The following MYH15 variants were observed in gnomAD, a reference collection of about 807,000 sequenced individuals.
MYH15 encodes the protein myosin heavy chain 15, also known as myosin-15.
Under a neutral mutation model 240.5 loss-of-function variants are expected in MYH15, and 227 were observed. The observed-to-expected ratio is 0.94, with a 90% confidence interval of 0.85 to 1.05. MYH15 has a LOEUF of 1.05. Ranked by LOEUF, MYH15 falls within the 50% of genes least tolerant of loss-of-function variation. The pLI, the probability that MYH15 is intolerant of heterozygous loss-of-function variation, is 0.00. For synonymous variants in MYH15, 785 were observed against 796.7 expected (o/e 0.99, Z 0.25); for missense variants, 2,217 against 2,247.5 (o/e 0.99, Z 0.27).
intron 18 of MYH15, among the ~76,000 whole-genome samples, chr3:108,458,865 A>G (rs1017893515): frequency 1.3e-5 from 2 of 152,146 alleles, no homozygotes; most frequent in Non-Finnish European, 2.9e-5. Context: ...AATGAATGCT[A>G]TTAGAAAGAG....
chr3:108,450,367 T>TA (rs1172542077), intron 21 of MYH15, among the ~76,000 whole-genome samples: 1 of 152,090 alleles, frequency 6.6e-6, no homozygotes, highest in Non-Finnish European at 1.5e-5. Flanking sequence ...TATTCAACCT[T>TA]AAAAAAGAAA....
Position 108,454,060 on chromosome 3 carries a change from G to A in MYH15, c.2345C>T (p.Ala782Val). The change falls in exon 21 of 41, where the codon GCC (alanine) becomes GTC (valine). Residue 782 changes from alanine (A) to valine (V), a missense_variant. Coordinates refer to ENST00000693548, the MANE Select transcript of MYH15 (RefSeq NM_014981.3). ...RLSKVFTLFQ[A>V]RAQGKLMRIK... The stretch of plus-strand genomic sequence containing the variant: ...TCGCATCAGTTTGCCCTGTGCTCTG[G>A]CTTGGAACAATGTGAAGACTTTAGA... The A allele has an allele frequency of 6.2e-7, 1 of 1,613,032 alleles. No individual in the cohort carries two copies. The highest frequency in any genetic ancestry group is 8.5e-7 in the Non-Finnish European group (1 of 1,179,370).
In MYH15 at chr3:108,492,461, G is replaced by A. The variant is rs377023095; in HGVS notation, c.871+39C>T. The A allele has an allele frequency of 7.6e-6, 11 of 1,453,870 alleles. No homozygotes were observed. In the African/African-American group the frequency reaches 9.9e-5, roughly 13 times the overall value. The allele number at this position is 1,453,870 out of a possible 1,614,324, so 90.1% of individuals were successfully genotyped here. On this transcript the variant is annotated intron_variant, in intron 9 of 40. Coordinates refer to ENST00000693548, the MANE Select transcript of MYH15 (RefSeq NM_014981.3). ...CCCCCAAATATGACTTATTTTTCTTGTTTTGGAATAACCCTAAGCTCCAGA... is the reference window on the plus strand; with the variant it reads ...CCCCCAAATATGACTTATTTTTCTTATTTTGGAATAACCCTAAGCTCCAGA...
At chr3:108,416,265 T>G (rs2082632021) in intron 29 of MYH15, among the ~76,000 whole-genome samples, 1 of 152,194 alleles carries the variant, frequency 6.6e-6, no homozygotes, top group Admixed American at 6.5e-5. Context: ...TTTGGGGTCT[T>G]AGTAATAAGA....
At position 108,414,447 on chromosome 3, in the gene MYH15, A is replaced by G; in HGVS notation, c.3949-19T>C. Reference sequence around the variant, plus strand: ...TCTGGGACTGTAGGGGACACACATTAACAAAAAGGTCATGACCACCATGAG... The same window carrying G: ...TCTGGGACTGTAGGGGACACACATTGACAAAAAGGTCATGACCACCATGAG... On this transcript the variant is annotated intron_variant, in intron 29 of 40. Coordinates refer to ENST00000693548, the MANE Select transcript of MYH15 (RefSeq NM_014981.3). The G allele has an allele frequency of 1.3e-6, 2 of 1,597,486 alleles. No homozygotes were observed. Among genetic ancestry groups the G allele is most frequent in the Non-Finnish European group, 1.7e-6 (2 of 1,170,112 alleles).
At chr3:108,487,172 C>T (rs537396989) in intron 9 of MYH15, among the ~76,000 whole-genome samples, 3 of 152,306 alleles carry the variant, frequency 2.0e-5, no homozygotes, top group East Asian at 1.9e-4. Context: ...GGCTGTCAGC[C>T]GCGCATCATC....
rs777856277 is a variant in MYH15, at chr3:108,505,837, G to GAAA, written c.89-9_89-8insTTT. The GAAA allele has an allele frequency of 8.0e-6, 11 of 1,369,120 alleles. No homozygotes were observed. In the Admixed American group the frequency reaches 2.2e-4, roughly 27 times the overall value. 84.8% of individuals were successfully genotyped at this position (1,369,120 alleles called of 1,614,324 possible). A position where few individuals can be genotyped will look rare whatever the true frequency, so the allele number is the denominator to read the frequency against. On this transcript the variant is annotated splice_polypyrimidine_tract_variant and intron_variant, in intron 1 of 40. Coordinates refer to ENST00000693548, the MANE Select transcript of MYH15 (RefSeq NM_014981.3). The stretch of plus-strand genomic sequence containing the variant: ...TCCAGCATTTCTTCTTCCCTGTAGA[G>GAAA]CAAAAAAAAAAAAAAATGGATTATA...
chr3:108,464,777 A>C lies in MYH15; in HGVS notation c.1592T>G (p.Met531Arg). The C allele has an allele frequency of 1.2e-6, 2 of 1,612,812 alleles. No individual in the cohort carries two copies. Among genetic ancestry groups the C allele is most frequent in the Non-Finnish European group, 1.7e-6 (2 of 1,179,592 alleles). ...GILSILEEECMFPKATDLTFK... is the reference protein window; with the variant it reads ...GILSILEEECRFPKATDLTFK... ...AGTCAGGTCTGTAGCCTTAGGAAAC[A>C]TACACTCTTCTTCAAGGATGGAAAG... The change falls in exon 15 of 41, where the codon ATG becomes AGG. Residue 531 changes from methionine (M) to arginine (R), a missense_variant. By Grantham distance (91) the Met-to-Arg change is moderately conservative. Transcript: ENST00000693548.
intron 32 of MYH15, 43 bp downstream of exon 32, chr3:108,408,237 C>G: frequency 6.3e-7 from 1 of 1,584,488 alleles, no homozygotes; most frequent in African/African-American, 1.4e-5. Flanking sequence ...AGATCTTCTG[C>G]CTTGTCACAG....
At chr3:108,389,254 T>C (rs747213861) in intron 37 of MYH15, among the ~76,000 whole-genome samples, 180 bp from the exon 38 acceptor site, 2 of 152,248 alleles carry the variant, frequency 1.3e-5, no homozygotes, top group Non-Finnish European at 2.9e-5. Context: ...AGATCTTTTA[T>C]GGATTCATAA....
chr3:108,462,490 G>A (rs1303440418), intron 16 of MYH15, among the ~76,000 whole-genome samples: 3 of 151,906 alleles, frequency 2.0e-5, no homozygotes, highest in Non-Finnish European at 4.4e-5. Flanking sequence ...ATAAATCTAC[G>A]ACATGGCAAA....
intron 11 of MYH15, among the ~76,000 whole-genome samples, chr3:108,479,180 T>C (rs1183387880): frequency 6.6e-6 from 1 of 152,234 alleles, no homozygotes; most frequent in African/African-American, 2.4e-5. Context: ...AAGATAGCAA[T>C]ATGTGTAAAC....
intron 15 of MYH15, 95 bp from the exon 16 acceptor site, chr3:108,463,338 A>C: frequency 1.5e-6 from 2 of 1,309,188 alleles, no homozygotes; most frequent in Non-Finnish European, 2.1e-6. Context: ...TTTTTGAGAC[A>C]GGGTCTCATT....
intron 18 of MYH15, among the ~76,000 whole-genome samples, chr3:108,458,383 A>G (rs997582432): frequency 5.9e-5 from 9 of 152,226 alleles, no homozygotes; most frequent in Non-Finnish European, 1.3e-4. Flanking sequence ...GCCGTGAATG[A>G]ACATGAAAGT....
the MYH15 span, among the ~76,000 whole-genome samples, chr3:108,537,543 T>A: frequency 6.6e-6 from 1 of 152,198 alleles, no homozygotes; most frequent in African/African-American, 2.4e-5. Context: ...ACTAGCTAGA[T>A]CTTTTGCCCT....
intron 3 of MYH15, among the ~76,000 whole-genome samples, chr3:108,500,546 G>A (rs2603133): frequency 0.9 from 136,897 of 152,098 alleles, 62,632 homozygotes; most frequent in Middle Eastern, 0.95. Flanking sequence ...AGAGGACCCT[G>A]ATGGCAGGAC....
rs140958115 is a variant in MYH15 at position 108,472,236 on chromosome 3, C to T, written c.1234-1389G>A. Among the ~76,000 whole-genome samples the T allele has an allele frequency of 2.7e-4, 41 of 152,282 alleles. 2 individuals carry two copies. In the East Asian group the frequency reaches 6.4e-3, roughly 24 times the overall value. On this transcript the variant is annotated intron_variant, in intron 12 of 40. Coordinates refer to ENST00000693548, the MANE Select transcript of MYH15 (RefSeq NM_014981.3). ...GATCCTACTTCCATAACTCCAATAG[C>T]GCTGCTGTAGTAGCAGGTTTCTGAC...
Position 108,485,127 on chromosome 3 carries a change from G to C in MYH15, c.1078C>G (p.Pro360Ala), listed in dbSNP as rs1212303219. The change falls in exon 11 of 41, where the codon CCT (proline) becomes GCT (alanine). Residue 360 changes from proline to alanine, a missense_variant. Transcript: ENST00000693548. ...HFGNMKFKQK[P>A]REEQLEADGT... ...TCTGCTTCCAGTTGCTCTTCTCTAG[G>C]TTTCTGTTTAAATTTCATATTTCCA... 3.1e-6 allele frequency: 5 copies of C among 1,613,994 alleles called. No individual in the cohort carries two copies. The highest frequency in any genetic ancestry group is 4.2e-6 in the Non-Finnish European group (5 of 1,179,926).
At chr3:108,381,708 C>T (rs1052752718) in intron 40 of MYH15, 149 bp from the exon 41 acceptor site, 7 of 857,932 alleles carry the variant, frequency 8.2e-6, no homozygotes, top group East Asian at 2.4e-5. Flanking sequence ...GGAATTGAGG[C>T]AATTATCTGC....
Sources: allele counts gnomAD v4.1 joint callset (sites outside exome capture counted in the v4.1 genomes callset), GRCh38; gene constraint gnomAD v4.1.1; transcripts MANE v1.5; gene names NCBI Gene and HGNC (gene_info 2026-07-23, HGNC 2026-07-21).